The following GLI2 variants were observed in gnomAD, a reference collection of about 807,000 sequenced individuals.
GLI2 encodes the protein transcription activator GLI2.
Under a neutral mutation model 78.9 loss-of-function variants are expected in GLI2, and 22 were observed. The ratio of observed to expected loss-of-function variants is 0.28; its 90% CI spans 0.20 to 0.40. The LOEUF is 0.40. GLI2 is among the 10% of genes least tolerant of loss of function. The pLI is 1.00. For missense variants in GLI2, 2,097 were observed against 2,213.2 expected, an observed-to-expected ratio of 0.95 and a Z score of 1.05; for synonymous variants, 974 against 963.7, an observed-to-expected ratio of 1.01 and a Z score of -0.20.
chr2:120,833,091 C>A (rs1686443382), intron 2 of GLI2, among the ~76,000 whole-genome samples: 1 of 151,982 alleles, frequency 6.6e-6, no homozygotes, highest in Non-Finnish European at 1.5e-5. Flanking sequence ...TCCCAGCCCA[C>A]CTCCAGGCCT....
chr2:120,808,957 C>T (rs1244144005), intron 2 of GLI2, among the ~76,000 whole-genome samples: 1 of 152,166 alleles, frequency 6.6e-6, no homozygotes, highest in Non-Finnish European at 1.5e-5. Flanking sequence ...GCCTGGCCCC[C>T]TGGGTTTTCT....
At chr2:120,850,228 G>C (rs1687331765) in intron 2 of GLI2, among the ~76,000 whole-genome samples, 1 of 152,154 alleles carries the variant, frequency 6.6e-6, no homozygotes, top group African/African-American at 2.4e-5. Context: ...AAATAATTTA[G>C]ACATGTGATT....
chr2:120,806,277 G>A (rs1419082627), intron 2 of GLI2, among the ~76,000 whole-genome samples: 2 of 152,196 alleles, frequency 1.3e-5, no homozygotes, highest in African/African-American at 4.8e-5. Context: ...GGGCACCCGG[G>A]CCTGGGTGCC....
chr2:120,940,650 G>A (rs1680407963), intron 3 of GLI2, among the ~76,000 whole-genome samples: 1 of 152,136 alleles, frequency 6.6e-6, no homozygotes, highest in Non-Finnish European at 1.5e-5. Context: ...ATGGTGATTC[G>A]GCCAAAGCAC....
At chr2:120,829,239 G>A (rs1313208792) in intron 2 of GLI2, among the ~76,000 whole-genome samples, 2 of 152,150 alleles carry the variant, frequency 1.3e-5, no homozygotes, top group Non-Finnish European at 2.9e-5. Context: ...AGATACACAG[G>A]GACACAGAGC....
intron 2 of GLI2, among the ~76,000 whole-genome samples, chr2:120,890,442 C>CAT (rs70954512): frequency 0.011 from 1,680 of 149,686 alleles, 20 homozygotes; most frequent in East Asian, 0.085. Flanking sequence ...CACACATTCA[C>CAT]ATATATATAT....
intron 11 of GLI2, 88 bp from the exon 12 acceptor site, chr2:120,984,383 T>C (rs772526526): frequency 3.6e-6 from 5 of 1,394,912 alleles, no homozygotes; most frequent in Non-Finnish European, 5.1e-6. Flanking sequence ...CTGAGGGGCG[T>C]GGGTAGCTTC....
At chr2:120,903,621 G>T (rs757320931) in intron 2 of GLI2, among the ~76,000 whole-genome samples, 2 of 152,208 alleles carry the variant, frequency 1.3e-5, no homozygotes, top group African/African-American at 2.4e-5. Flanking sequence ...GACTTAGCTC[G>T]CTGGTCCTTT....
intron 2 of GLI2, among the ~76,000 whole-genome samples, chr2:120,816,192 C>T (rs932272504): frequency 1.5e-5 from 2 of 134,888 alleles, no homozygotes; most frequent in Admixed American, 7.5e-5. Flanking sequence ...CCCCAAAGAG[C>T]TTTTTTTTTT....
chr2:120,984,342 A>G (rs1394206820), intron 11 of GLI2, 129 bp from the exon 12 acceptor site: 5 of 955,040 alleles, frequency 5.2e-6, no homozygotes, highest in African/African-American at 1.6e-5. Flanking sequence ...AATTTGACAC[A>G]GCACCTACTG....
chr2:120,865,312 G>T (rs544762101), intron 2 of GLI2, among the ~76,000 whole-genome samples: 1 of 152,194 alleles, frequency 6.6e-6, no homozygotes, highest in Non-Finnish European at 1.5e-5. Flanking sequence ...TGCCCCCCAT[G>T]TAACACAGTT....
At chr2:120,925,131 G>C (rs1389178087) in intron 2 of GLI2, among the ~76,000 whole-genome samples, 2 of 152,182 alleles carry the variant, frequency 1.3e-5, no homozygotes, top group Admixed American at 6.5e-5. Context: ...TGCAGGGCCA[G>C]GGCCTCAGAG....
chr2:120,888,719 AGCAT>A (rs1400548629), intron 2 of GLI2, among the ~76,000 whole-genome samples: 6 of 152,194 alleles, frequency 3.9e-5, no homozygotes, highest in African/African-American at 1.4e-4. Flanking sequence ...AAAGCTGACT[AGCAT>A]CGACAATGCC....
In GLI2 at chr2:120,988,960, G is replaced by C; in HGVS notation, c.2995G>C (p.Asp999His). The change falls in exon 14 of 14, where the codon GAC (aspartate) becomes CAC (histidine). Residue 999 changes from aspartate (D) to histidine (H), a missense_variant. By Grantham distance (81) the Asp-to-His change is moderately conservative. Around this residue, in one of 5 missense-constraint regions of GLI2, gnomAD observed 1,290 missense variants for 1,261.7 expected, o/e 1.02. Coordinates refer to ENST00000361492, the MANE Select transcript of GLI2 (RefSeq NM_001374353.1). The stretch of plus-strand genomic sequence containing the variant: ...CCGCCTGCAGAGCCACCCGAGCACC[G>C]ACGGCGGCCTGGCCCGCGGCGCCTA... The part of the protein sequence containing the change: ...GLRLQSHPST[D>H]GGLARGAYSP... The C allele has an allele frequency of 6.5e-7, 1 of 1,544,814 alleles. No homozygotes were observed. The highest frequency in any genetic ancestry group is 8.7e-7 in the Non-Finnish European group (1 of 1,150,898).
Position 120,736,255 on chromosome 2 carries a change from G to T in GLI2, c.-61G>T, listed in dbSNP as rs1225185410. The T allele has an allele frequency of 1.3e-5, 2 of 152,078 alleles. No homozygotes were observed. The highest frequency in any genetic ancestry group is 2.9e-5 in the Non-Finnish European group (2 of 68,006). The allele number at this position is 152,078 out of a possible 1,614,324, so 9.4% of individuals were successfully genotyped here. A position where few individuals can be genotyped will look rare whatever the true frequency, so the allele number is the denominator to read the frequency against. ...CCGCCCGGCGCCCGAGAGGCCACCT[G>T]CGTGCTAGAGGCAAACTTTTGTCTC... On this transcript the variant is annotated 5_prime_UTR_variant, in exon 1 of 14. Coordinates refer to ENST00000361492, the MANE Select transcript of GLI2 (RefSeq NM_001374353.1).
intron 2 of GLI2, among the ~76,000 whole-genome samples, chr2:120,855,383 C>CTCTGCTT (rs1451331897): frequency 6.6e-6 from 1 of 152,210 alleles, no homozygotes; most frequent in Non-Finnish European, 1.5e-5. Flanking sequence ...CACAGATGTA[C>CTCTGCTT]TCTGCTTTTT....
intron 2 of GLI2, among the ~76,000 whole-genome samples, chr2:120,901,986 A>G (rs1161317907): frequency 2.0e-5 from 3 of 152,158 alleles, no homozygotes; most frequent in Non-Finnish European, 4.4e-5. Context: ...TTTTTAATAA[A>G]AAGAGTGTTG....
chr2:120,924,907 C>G (rs977902433), intron 2 of GLI2, among the ~76,000 whole-genome samples: 6 of 152,262 alleles, frequency 3.9e-5, no homozygotes, highest in Non-Finnish European at 7.3e-5. Context: ...GAAGCGCCTC[C>G]TGTGTGTGGG....
intron 2 of GLI2, among the ~76,000 whole-genome samples, chr2:120,854,230 A>C (rs781341317): frequency 1.3e-5 from 2 of 152,180 alleles, no homozygotes; most frequent in Non-Finnish European, 2.9e-5. Context: ...GAGTCTCAGA[A>C]GAGGAGCAGA....
Sources: allele counts gnomAD v4.1 joint callset (sites outside exome capture counted in the v4.1 genomes callset), GRCh38; gene constraint gnomAD v4.1.1; regional missense constraint gnomAD v4.1.1; transcripts MANE v1.5; gene names NCBI Gene and HGNC (gene_info 2026-07-23, HGNC 2026-07-21).